RGS9: variants seen among roughly 807,000 people sequenced by gnomAD.
RGS9 encodes the protein regulator of G protein signaling 9.
A neutral mutation model predicts 102.0 loss-of-function variants in RGS9; 78 were observed. The observed-to-expected ratio is 0.76, with a 90% CI of 0.64 to 0.92. RGS9 has a LOEUF of 0.92. Ranked by LOEUF, RGS9 falls within the 40% of genes least tolerant of loss-of-function variation. The pLI is 0.00. For missense variants in RGS9, 833 were observed against 866.1 expected (o/e 0.96, Z 0.48); for synonymous variants, 353 against 318.6 (o/e 1.11, Z -1.15).
In RGS9 at chr17:65,158,311, A is replaced by G. The variant is rs2143988166; in HGVS notation, c.171A>G (p.Gln57=). ...GTTTTTCAGGAAGTGATGTTCTGCAATGGATCGTCCAGCGGCTTTGGATCT... is the reference window on the plus strand; with the variant it reads ...GTTTTTCAGGAAGTGATGTTCTGCAGTGGATCGTCCAGCGGCTTTGGATCT... The part of the protein sequence containing the change: ...PHAMTGSDVL[Q]WIVQRLWISS... Residue 57 remains glutamine (Q), a synonymous_variant, in exon 3 of 19, where the codon CAA becomes CAG. Coordinates refer to ENST00000262406, the MANE Select transcript of RGS9 (RefSeq NM_003835.4). The G allele has an allele frequency of 6.2e-7, 1 of 1,614,196 alleles. No homozygotes were observed. Among genetic ancestry groups the G allele is most frequent in the Non-Finnish European group, 8.5e-7 (1 of 1,180,034 alleles).
At chr17:65,217,166 C>T (rs9904207) in intron 17 of RGS9, among the ~76,000 whole-genome samples, 18,604 of 152,068 alleles carry the variant, frequency 0.12, 1,425 homozygotes, top group African/African-American at 0.22. Context: ...CTGGATAGTC[C>T]CTGGGCACCC....
rs1912869148 is a variant in RGS9, at chr17:65,202,028, C to G, written c.1012C>G (p.Leu338Val). 3 of 1,613,792 alleles carry G rather than the reference C, an allele frequency of 1.9e-6. No individual in the cohort carries two copies. The highest frequency in any genetic ancestry group is 1.7e-6 in the Non-Finnish European group (2 of 1,179,782). Reference protein sequence around the residue: ...NLGFWEACEDLKYGDQSKVKE... With the variant: ...NLGFWEACEDVKYGDQSKVKE... The stretch of plus-strand genomic sequence containing the variant: ...GGGATTCTGGGAAGCCTGCGAGGAT[C>G]TGAAGTATGGAGATCAGTCCAAAGT... The change falls in exon 14 of 19, where the codon CTG (leucine) becomes GTG (valine). Residue 338 changes from leucine (L) to valine (V), a missense_variant. By Grantham distance (32) the Leu-to-Val change is conservative. Around this residue, in one of 3 missense-constraint regions of RGS9, gnomAD observed 185 missense variants for 248.7 expected, o/e 0.74. Coordinates refer to ENST00000262406, the MANE Select transcript of RGS9 (RefSeq NM_003835.4).
At chr17:65,157,355 C>G (rs1419501599) in intron 2 of RGS9, among the ~76,000 whole-genome samples, 1 of 151,818 alleles carries the variant, frequency 6.6e-6, no homozygotes, top group Non-Finnish European at 1.5e-5. Flanking sequence ...GCTGTACCTT[C>G]TGCTTGTGAG....
chr17:65,159,029 A>G lies in RGS9; in HGVS notation c.205+684A>G, dbSNP rs554531321. On this transcript the variant is annotated intron_variant, in intron 3 of 18. Transcript: ENST00000262406. ...ACATGGCCTGTTCCTGACTTAACTG[A>G]TGACATTCCACCACAAAAGAAGTGA... Among the ~76,000 whole-genome samples the G allele has an allele frequency of 6.6e-5, 10 of 152,260 alleles. No individual in the cohort carries two copies. The South Asian group carries it at 2.1e-3, about 32-fold the overall frequency.
intron 1 of RGS9, among the ~76,000 whole-genome samples, chr17:65,139,317 G>GT (rs987572591): frequency 1.4e-5 from 2 of 145,676 alleles, no homozygotes; most frequent in South Asian, 4.4e-4. Flanking sequence ...TACACACACT[G>GT]TTTTTTTCCC....
chr17:65,221,040 G>C (rs73994760), intron 17 of RGS9, among the ~76,000 whole-genome samples: 4,317 of 152,276 alleles, frequency 0.028, 212 homozygotes, highest in African/African-American at 0.097. Flanking sequence ...CTCCATGGGA[G>C]GGACCAAGGT....
At chr17:65,207,067 C>T (rs537068881) in intron 15 of RGS9, among the ~76,000 whole-genome samples, 19 of 152,324 alleles carry the variant, frequency 1.2e-4, no homozygotes, top group Admixed American at 1.2e-3. Flanking sequence ...ATTCATGAAG[C>T]TTCTCTGAAA....
chr17:65,225,769 G>T (rs1905643046), intron 18 of RGS9, among the ~76,000 whole-genome samples: 1 of 151,896 alleles, frequency 6.6e-6, no homozygotes, highest in Non-Finnish European at 1.5e-5. Flanking sequence ...CACTCACATT[G>T]TCCCATCCCA....
chr17:65,196,746 C>T (rs1044492694), intron 12 of RGS9, among the ~76,000 whole-genome samples: 13 of 152,234 alleles, frequency 8.5e-5, no homozygotes, highest in African/African-American at 3.1e-4. Context: ...ATCACCAATG[C>T]TGCTCCAGAA....
chr17:65,189,834 C>G (rs758139095), intron 10 of RGS9, among the ~76,000 whole-genome samples: 2 of 152,184 alleles, frequency 1.3e-5, no homozygotes, highest in Non-Finnish European at 2.9e-5. Flanking sequence ...AGGATGTCAC[C>G]TGTGGTGGGG....
chr17:65,212,416 C>G (rs9907018), intron 17 of RGS9, among the ~76,000 whole-genome samples: 152,365 of 152,366 alleles, frequency 1, 76,182 homozygotes, highest in Non-Finnish European at 1. Context: ...CCCCTGCTAG[C>G]TGGTGACAGA....
At chr17:65,193,798 C>A in intron 12 of RGS9, 142 bp downstream of exon 12, 1 of 654,366 alleles carries the variant, frequency 1.5e-6, no homozygotes, top group Non-Finnish European at 2.7e-6. Context: ...AAAACATGTT[C>A]ATTACACAAA....
rs1291505209 is a variant in RGS9, at chr17:65,225,088, C to G, written c.1494C>G (p.Ser498=). The G allele has an allele frequency of 2.9e-5, 47 of 1,613,978 alleles. No individual in the cohort carries two copies. Among genetic ancestry groups the G allele is most frequent in the Non-Finnish European group, 4.0e-5 (47 of 1,180,006 alleles). The change falls in exon 18 of 19, where the codon TCC becomes TCG. Residue 498 remains serine (S), a synonymous_variant. Coordinates refer to ENST00000262406, the MANE Select transcript of RGS9 (RefSeq NM_003835.4). The part of the protein sequence containing the change: ...MPPSPSSPFS[S]SCRSPRKPFA... ...CGTCTCCTTCTAGCCCCTTCTCCTC[C>G]TCCTGCCGCTCCCCCAGGAAGCCTT...
At chr17:65,222,198 C>T (rs1049975402) in intron 17 of RGS9, among the ~76,000 whole-genome samples, 1 of 152,176 alleles carries the variant, frequency 6.6e-6, no homozygotes, top group Non-Finnish European at 1.5e-5. Context: ...TTGAGATGTG[C>T]CCCCTCCATC....
rs557940565 is a variant in RGS9 at position 65,177,339 on chromosome 17, A to T, written c.583-393A>T. On this transcript the variant is annotated intron_variant, in intron 8 of 18. Coordinates refer to ENST00000262406, the MANE Select transcript of RGS9 (RefSeq NM_003835.4). ...CATCTGTCTGGCCATCCATCCATCC[A>T]TCCATCCACTCACCCACCCATCAAC... Among the ~76,000 whole-genome samples the T allele has an allele frequency of 4.0e-5, 6 of 150,912 alleles. No homozygotes were observed. In the East Asian group the frequency reaches 1.2e-3, roughly 30 times the overall value.
At chr17:65,226,878 G>A (rs1905710371) in intron 18 of RGS9, among the ~76,000 whole-genome samples, 2 of 152,160 alleles carry the variant, frequency 1.3e-5, no homozygotes, top group African/African-American at 2.4e-5. Flanking sequence ...GCCTCTCAAA[G>A]TGCTAAGATT....
At position 65,202,444 on chromosome 17, in the gene RGS9, T is replaced by TGTGTGAGA. The variant is rs3838367; in HGVS notation, c.1064+365_1064+366insTGTGAGAG. On this transcript the variant is annotated intron_variant, in intron 14 of 18. Transcript: ENST00000262406. ...GTGTGTGTGTGTGTGTGTGTGTGTG[T>TGTGTGAGA]GAGAGAGAGAGAGAGAGAGAGAGTG... 5.4e-3 allele frequency among the ~76,000 whole-genome samples: 715 copies of TGTGTGAGA among 131,762 alleles called. 8 individuals are homozygous for TGTGTGAGA. Among genetic ancestry groups the TGTGTGAGA allele is most frequent in the African/African-American group, 0.021 (674 of 32,532 alleles). 86.4% of individuals were successfully genotyped at this position (131,762 alleles called of 152,430 possible). A position where few individuals can be genotyped will look rare whatever the true frequency, so the allele number is the denominator to read the frequency against.
chr17:65,221,066 C>G (rs1183237794), intron 17 of RGS9, among the ~76,000 whole-genome samples: 1 of 152,076 alleles, frequency 6.6e-6, no homozygotes, highest in Admixed American at 6.5e-5. Flanking sequence ...ATTGTGGGAA[C>G]GGGTGGAAAA....
chr17:65,203,717 A>C (rs987230334), intron 14 of RGS9, among the ~76,000 whole-genome samples: 6 of 152,226 alleles, frequency 3.9e-5, no homozygotes, highest in Admixed American at 1.3e-4. Flanking sequence ...GCCTCTCGAC[A>C]CAGCATGTGA....
Sources: gnomAD v4.1 joint callset for allele counts (sites outside exome capture counted in the v4.1 genomes callset) on GRCh38, gnomAD v4.1.1 for gene constraint, gnomAD v4.1.1 regional missense constraint, MANE v1.5 for transcripts, NCBI Gene and HGNC (gene_info 2026-07-23, HGNC 2026-07-21) for gene names.